SPATS2L: variants seen among roughly 807,000 people sequenced by gnomAD.
SPATS2L encodes the protein SPATS2-like protein.
A neutral mutation model predicts 59.6 loss-of-function variants in SPATS2L; 30 were observed. The observed-to-expected ratio is 0.50, with a 90% CI of 0.38 to 0.68. The LOEUF (loss-of-function observed/expected upper bound fraction) is 0.68. Among genes scored for constraint, SPATS2L ranks in the 30% least tolerant of loss-of-function variants. The pLI is 0.00. For missense variants in SPATS2L, 615 were observed against 700.0 expected (o/e 0.88, Z 1.37); for synonymous variants, 252 against 263.5 (o/e 0.96, Z 0.42).
intron 8 of SPATS2L, among the ~76,000 whole-genome samples, chr2:200,452,767 A>G (rs1444969833): frequency 6.6e-6 from 1 of 152,160 alleles, no homozygotes; most frequent in East Asian, 1.9e-4. Context: ...AGCCTTTCAA[A>G]GGGTTATGTG....
chr2:200,369,552 C>T (rs2081364445), intron 2 of SPATS2L, among the ~76,000 whole-genome samples: 1 of 152,022 alleles, frequency 6.6e-6, no homozygotes, highest in Non-Finnish European at 1.5e-5. Flanking sequence ...AGAAAAGTGT[C>T]AGGAAGCCTG....
intron 2 of SPATS2L, among the ~76,000 whole-genome samples, chr2:200,381,734 T>TA (rs1474263474): frequency 3.3e-5 from 5 of 152,186 alleles, no homozygotes; most frequent in African/African-American, 1.2e-4. Context: ...CATAATTGAC[T>TA]TCCTACGCAC....
At chr2:200,415,359 A>T (rs576342986) in intron 4 of SPATS2L, among the ~76,000 whole-genome samples, 13 of 152,208 alleles carry the variant, frequency 8.5e-5, no homozygotes, top group Non-Finnish European at 1.6e-4. Context: ...TTTGAAATTT[A>T]TTATAAAGAC....
intron 9 of SPATS2L, among the ~76,000 whole-genome samples, chr2:200,462,681 C>G (rs2086320070): frequency 6.6e-6 from 1 of 152,108 alleles, no homozygotes; most frequent in South Asian, 2.1e-4. Context: ...TTTTGGAAGA[C>G]CAAGGCAGGA....
Position 200,479,290 on chromosome 2 carries a change from T to G in SPATS2L, c.*1259T>G, listed in dbSNP as rs2087723740. 2.9e-6 allele frequency: 1 copy of G among 341,824 alleles called. No individual in the cohort carries two copies. Among genetic ancestry groups the G allele is most frequent in the African/African-American group, 2.1e-5 (1 of 47,724 alleles). 21.2% of individuals were successfully genotyped at this position (341,824 alleles called of 1,614,324 possible). ...TTGTGGCAAAGGGCCACCATGCTCT[T>G]AAGACTCAAGTCTATTTTCCACACT... On this transcript the variant is annotated 3_prime_UTR_variant, in exon 13 of 13. Transcript: ENST00000409140.
chr2:200,477,866 T>C lies in SPATS2L; in HGVS notation c.1512T>C (p.His504=), dbSNP rs1378745974. 1.2e-6 allele frequency: 2 copies of C among 1,602,138 alleles called. No individual in the cohort carries two copies. The highest frequency in any genetic ancestry group is 2.3e-5 in the East Asian group (1 of 44,336). Residue 504 remains histidine, a synonymous_variant, in exon 13 of 13, where the codon CAT becomes CAC. Transcript: ENST00000409140. ...TGAAGACCCCCGAGGCCCCGGCCCATTCTGAAAAGCCCCGGCGAAGGCAGC... is the reference window on the plus strand; with the variant it reads ...TGAAGACCCCCGAGGCCCCGGCCCACTCTGAAAAGCCCCGGCGAAGGCAGC... The part of the protein sequence containing the change: ...LGMKTPEAPA[H]SEKPRRRQHA...
At chr2:200,403,302 AT>A (rs1233835357) in intron 3 of SPATS2L, among the ~76,000 whole-genome samples, 2 of 151,860 alleles carry the variant, frequency 1.3e-5, no homozygotes, top group East Asian at 3.8e-4. Flanking sequence ...GCTTGATCAG[AT>A]AGTAAAAACT....
At chr2:200,380,511 C>T (rs2081769441) in intron 2 of SPATS2L, among the ~76,000 whole-genome samples, 1 of 152,220 alleles carries the variant, frequency 6.6e-6, no homozygotes, top group African/African-American at 2.4e-5. Flanking sequence ...AAGTGATATT[C>T]TAAGTGATTG....
chr2:200,323,784 T>G (rs2079640140), intron 1 of SPATS2L, among the ~76,000 whole-genome samples: 1 of 152,244 alleles, frequency 6.6e-6, no homozygotes, highest in African/African-American at 2.4e-5. Context: ...GTATTTGATG[T>G]GTATTTTACT....
rs753171419 is a variant in SPATS2L at position 200,440,607 on chromosome 2, T to C, written c.653-42T>C. 3.9e-5 allele frequency: 62 copies of C among 1,588,822 alleles called. No homozygotes were observed. In the South Asian group the frequency reaches 6.8e-4, roughly 18 times the overall value. On this transcript the variant is annotated intron_variant, in intron 7 of 12. Coordinates refer to ENST00000409140, the MANE Select transcript of SPATS2L (RefSeq NM_001100423.2). ...TGTTGTTTAGCTTACAAACAAAGGA[T>C]TAAATGCTCAAGTTAATAATATTTT...
At chr2:200,439,607 A>G (rs1376972417) in intron 7 of SPATS2L, among the ~76,000 whole-genome samples, 1 of 152,206 alleles carries the variant, frequency 6.6e-6, no homozygotes, top group Admixed American at 6.5e-5. Context: ...AGTACCTTCT[A>G]TCCTAATATC....
chr2:200,470,830 T>G (rs1040520793), intron 11 of SPATS2L, among the ~76,000 whole-genome samples: 4 of 152,218 alleles, frequency 2.6e-5, no homozygotes, highest in Admixed American at 6.5e-5. Flanking sequence ...TTTTTTCATA[T>G]CAATATATTT....
chr2:200,438,602 A>T (rs964069505), intron 6 of SPATS2L, among the ~76,000 whole-genome samples: 10 of 152,182 alleles, frequency 6.6e-5, no homozygotes, highest in Admixed American at 6.5e-4. Flanking sequence ...ATTAGATGCA[A>T]TGATTATAGT....
intron 1 of SPATS2L, among the ~76,000 whole-genome samples, chr2:200,327,986 A>G (rs2079813578): frequency 6.6e-6 from 1 of 152,246 alleles, no homozygotes; most frequent in Admixed American, 6.5e-5. Context: ...TTTGTTGCAT[A>G]CAACACTACT....
At chr2:200,475,805 G>GT (rs1381038886) in intron 12 of SPATS2L, among the ~76,000 whole-genome samples, 2 of 152,122 alleles carry the variant, frequency 1.3e-5, no homozygotes, top group Non-Finnish European at 2.9e-5. Flanking sequence ...TTATATATTT[G>GT]TAACTCATAA....
At chr2:200,380,797 G>T (rs759749647) in intron 2 of SPATS2L, among the ~76,000 whole-genome samples, 4 of 152,166 alleles carry the variant, frequency 2.6e-5, no homozygotes, top group Non-Finnish European at 2.9e-5. Context: ...GAATGAAAAT[G>T]CAACCTTGAG....
At chr2:200,391,542 AC>A in intron 3 of SPATS2L, among the ~76,000 whole-genome samples, 2 of 152,350 alleles carry the variant, frequency 1.3e-5, no homozygotes, top group Middle Eastern at 6.8e-3. Flanking sequence ...AACCCATAAT[AC>A]TGCCATGTAG....
At chr2:200,389,446 A>C in intron 3 of SPATS2L, 163 bp downstream of exon 3, 1 of 548,754 alleles carries the variant, frequency 1.8e-6, no homozygotes, top group Non-Finnish European at 3.2e-6. Context: ...ATCATAAGTA[A>C]CATTTACTGA....
intron 6 of SPATS2L, among the ~76,000 whole-genome samples, chr2:200,428,123 G>A (rs1299750422): frequency 1.3e-5 from 2 of 151,150 alleles, no homozygotes; most frequent in Admixed American, 1.3e-4. Flanking sequence ...CCATTATTCT[G>A]TAACATCTTC....
Sources: gnomAD v4.1 joint callset for allele counts (sites outside exome capture counted in the v4.1 genomes callset) on GRCh38, gnomAD v4.1.1 for gene constraint, MANE v1.5 for transcripts, NCBI Gene and HGNC (gene_info 2026-07-23, HGNC 2026-07-21) for gene names.